Variants in KLF12 observed in about 807,000 individuals in gnomAD.
The protein encoded by KLF12 is KLF transcription factor 12, also known as Krueppel-like factor 12.
Under a neutral mutation model 37.8 loss-of-function variants are expected in KLF12, and 9 were observed. The observed-to-expected ratio is 0.24, with a 90% CI of 0.14 to 0.42. KLF12 has a LOEUF of 0.42. Ranked by LOEUF, KLF12 falls within the 10% of genes least tolerant of loss-of-function variation. The probability of loss-of-function intolerance (pLI) is 1.00; values close to 1 mark genes in which losing one functional copy is unlikely to be tolerated. For synonymous variants in KLF12, 208 were observed against 202.1 expected, an observed-to-expected ratio of 1.03 and a Z score of -0.25; for missense variants, 411 against 516.0, an observed-to-expected ratio of 0.80 and a Z score of 1.97.
intron 2 of KLF12, among the ~76,000 whole-genome samples, chr13:73,976,432 G>A (rs1217948523): frequency 1.3e-5 from 2 of 152,024 alleles, no homozygotes; most frequent in African/African-American, 4.8e-5. Context: ...ACAATCATCA[G>A]TATCTCTCAG....
intron 2 of KLF12, among the ~76,000 whole-genome samples, chr13:73,985,351 CCAACTCTCAGTTAAAAAGGACACT>C (rs1218336693): frequency 3.3e-5 from 5 of 152,194 alleles, no homozygotes; most frequent in South Asian, 2.1e-4. Context: ...TGCCCAGATT[CCAACTCTCAGTTAAAAAGGACACT>C]CAACTCTCAG....
intron 6 of KLF12, among the ~76,000 whole-genome samples, chr13:73,759,707 T>C (rs531230747): frequency 4.6e-5 from 7 of 152,188 alleles, no homozygotes; most frequent in Non-Finnish European, 1.0e-4. Context: ...AGGTTTGGCA[T>C]GTAACGTTTT....
intron 1 of KLF12, among the ~76,000 whole-genome samples, chr13:74,123,269 GAAA>G (rs1448549636): frequency 2.6e-5 from 4 of 152,074 alleles, no homozygotes; most frequent in Admixed American, 2.0e-4. Context: ...GTTTTTGAAA[GAAA>G]AAACTTACGA....
chr13:73,748,034 A>G (rs111355866), intron 6 of KLF12, among the ~76,000 whole-genome samples: 2,564 of 152,270 alleles, frequency 0.017, 62 homozygotes, highest in African/African-American at 0.057. Flanking sequence ...AACTGACTTC[A>G]TTGTTTCCAC....
chr13:73,860,701 A>G (rs1358554767), intron 3 of KLF12, among the ~76,000 whole-genome samples: 1 of 152,208 alleles, frequency 6.6e-6, no homozygotes, highest in Non-Finnish European at 1.5e-5. Context: ...CTATGATTGC[A>G]TCACTGCATT....
rs1014308074 is a variant in KLF12, at chr13:73,693,549, T to C, written c.*1941A>G. 1 of 152,368 alleles carries C rather than the reference T, an allele frequency of 6.6e-6. No homozygotes were observed. The highest frequency in any genetic ancestry group is 1.5e-5 in the Non-Finnish European group (1 of 68,040). 9.4% of individuals were successfully genotyped at this position (152,368 alleles called of 1,614,324 possible). A position where few individuals can be genotyped will look rare whatever the true frequency, so the allele number is the denominator to read the frequency against. On this transcript the variant is annotated 3_prime_UTR_variant, in exon 8 of 8. Transcript: ENST00000377669. ...CCTTTTGAATACCATCCAACACAAATTGTCCTTGTTTCAACGTTCATAGTT... is the reference window on the plus strand; with the variant it reads ...CCTTTTGAATACCATCCAACACAAACTGTCCTTGTTTCAACGTTCATAGTT...
At chr13:73,875,747 C>G (rs969062285) in intron 3 of KLF12, among the ~76,000 whole-genome samples, 4 of 151,966 alleles carry the variant, frequency 2.6e-5, no homozygotes, top group African/African-American at 9.7e-5. Flanking sequence ...ATGAATTGTG[C>G]TTTATATATT....
intron 6 of KLF12, among the ~76,000 whole-genome samples, chr13:73,724,156 G>A (rs1279191300): frequency 6.6e-6 from 1 of 152,118 alleles, no homozygotes. Flanking sequence ...GCCCACCAAT[G>A]ATAGACTGGA....
chr13:74,080,632 G>T (rs1337516052), intron 1 of KLF12, among the ~76,000 whole-genome samples: 2 of 152,096 alleles, frequency 1.3e-5, no homozygotes, highest in Non-Finnish European at 2.9e-5. Flanking sequence ...AAAATAACTG[G>T]TATTTCTAAA....
chr13:74,127,921 T>C (rs539624083), intron 1 of KLF12, among the ~76,000 whole-genome samples: 120 of 152,348 alleles, frequency 7.9e-4, no homozygotes, highest in African/African-American at 1.4e-3. Context: ...CTTGAAATTA[T>C]AGTATATCAC....
chr13:74,286,309 A>G, the KLF12 span, among the ~76,000 whole-genome samples: 11 of 152,344 alleles, frequency 7.2e-5, no homozygotes, highest in Non-Finnish European at 1.5e-4. Context: ...TGATTAAAAC[A>G]AGGTAGGATG....
intron 2 of KLF12, among the ~76,000 whole-genome samples, chr13:73,977,565 T>C (rs1891566499): frequency 6.6e-6 from 1 of 152,222 alleles, no homozygotes; most frequent in African/African-American, 2.4e-5. Flanking sequence ...TGAATGACAA[T>C]ACTTCACAAC....
chr13:73,884,284 G>A (rs1887115470), intron 3 of KLF12, among the ~76,000 whole-genome samples: 1 of 152,068 alleles, frequency 6.6e-6, no homozygotes, highest in African/African-American at 2.4e-5. Context: ...CCCTGTTGTG[G>A]ATCTGAATCT....
At chr13:73,834,486 A>G (rs989009171) in intron 4 of KLF12, among the ~76,000 whole-genome samples, 2 of 152,116 alleles carry the variant, frequency 1.3e-5, no homozygotes. Context: ...ATAACTGTCC[A>G]TTGCATTTAT....
chr13:74,055,097 C>T (rs1873171942), intron 1 of KLF12, among the ~76,000 whole-genome samples: 1 of 152,176 alleles, frequency 6.6e-6, no homozygotes, highest in Non-Finnish European at 1.5e-5. Flanking sequence ...TGCAATTGTA[C>T]AGCAGCCACT....
At chr13:74,161,464 G>A in the KLF12 span, among the ~76,000 whole-genome samples, 1 of 152,188 alleles carries the variant, frequency 6.6e-6, no homozygotes, top group Non-Finnish European at 1.5e-5. Flanking sequence ...GAAGACAGAA[G>A]TTAGAGTGAT....
At chr13:74,233,227 G>T in the KLF12 span, among the ~76,000 whole-genome samples, 1 of 152,052 alleles carries the variant, frequency 6.6e-6, no homozygotes, top group Non-Finnish European at 1.5e-5. Flanking sequence ...TAACTTTTTT[G>T]TTGTTGTCGG....
the KLF12 span, among the ~76,000 whole-genome samples, chr13:74,227,397 A>G: frequency 1.3e-5 from 2 of 152,094 alleles, no homozygotes; most frequent in Non-Finnish European, 2.9e-5. Context: ...TTTTTGTATC[A>G]CCCCAAATTG....
At chr13:74,235,262 G>T in the KLF12 span, among the ~76,000 whole-genome samples, 1 of 152,180 alleles carries the variant, frequency 6.6e-6, no homozygotes, top group East Asian at 1.9e-4. Flanking sequence ...ACATGCAGGT[G>T]CTATTTGTAG....
Sources: allele counts gnomAD v4.1 joint callset (sites outside exome capture counted in the v4.1 genomes callset), GRCh38; gene constraint gnomAD v4.1.1; transcripts MANE v1.5; gene names NCBI Gene and HGNC (gene_info 2026-07-23, HGNC 2026-07-21).